OR9Q1: variants seen among roughly 807,000 people sequenced by gnomAD.
OR9Q1 encodes olfactory receptor family 9 subfamily Q member 1.
For missense variants in OR9Q1, 374 were observed against 378.8 expected, an observed-to-expected ratio of 0.99 and a Z score of 0.11; for synonymous variants, 153 against 148.6, an observed-to-expected ratio of 1.03 and a Z score of -0.22.
At chr11:58,138,290 T>C (rs1854208272) in intron 2 of OR9Q1, among the ~76,000 whole-genome samples, 1 of 152,204 alleles carries the variant, frequency 6.6e-6, no homozygotes, top group South Asian at 2.1e-4. Flanking sequence ...AGGAGCGTCG[T>C]ACTTCCTGGG....
intron 2 of OR9Q1, among the ~76,000 whole-genome samples, chr11:58,080,601 T>A (rs1485465903): frequency 6.6e-6 from 1 of 152,146 alleles, no homozygotes; most frequent in African/African-American, 2.4e-5. Context: ...AATTTACATT[T>A]CCACCAACGC....
At position 58,072,191 on chromosome 11, in the gene OR9Q1, C is replaced by T. The variant is rs536575273; in HGVS notation, c.-15+16244C>T. On this transcript the variant is annotated intron_variant, in intron 2 of 2. Transcript: ENST00000335397. ...TTCAAAAGACTTATAATACATACAACAAAAACATCTATAAAACAAAGACAA... is the reference window on the plus strand; with the variant it reads ...TTCAAAAGACTTATAATACATACAATAAAAACATCTATAAAACAAAGACAA... 2.2e-4 allele frequency among the ~76,000 whole-genome samples: 33 copies of T among 152,238 alleles called. No individual in the cohort carries two copies. In the South Asian group the frequency reaches 6.6e-3, roughly 31 times the overall value.
At chr11:58,031,749 C>A in intron 1 of OR9Q1, 1 of 1,614,124 alleles carries the variant, frequency 6.2e-7, no homozygotes, top group East Asian at 2.2e-5. Context: ...TATGTCCAGA[C>A]CAAGGTGACC....
At chr11:58,166,475 C>T (rs1562861) in intron 2 of OR9Q1, among the ~76,000 whole-genome samples, 66,120 of 152,052 alleles carry the variant, frequency 0.43, 14,754 homozygotes, top group African/African-American at 0.5. Context: ...ACGGATGTCA[C>T]TGTAACTTGT....
chr11:58,156,271 A>G (rs1186056109), intron 2 of OR9Q1, among the ~76,000 whole-genome samples: 1 of 152,134 alleles, frequency 6.6e-6, no homozygotes. Context: ...AAAGCCTAGA[A>G]ATTCAACAAA....
intron 2 of OR9Q1, among the ~76,000 whole-genome samples, chr11:58,076,846 A>T (rs1456885979): frequency 6.6e-6 from 1 of 152,182 alleles, no homozygotes; most frequent in Non-Finnish European, 1.5e-5. Context: ...ATTTTAGCTT[A>T]CTAAACTGAC....
chr11:58,043,766 C>T (rs533823734), intron 1 of OR9Q1, among the ~76,000 whole-genome samples: 1 of 152,336 alleles, frequency 6.6e-6, no homozygotes, highest in Non-Finnish European at 1.5e-5. Flanking sequence ...CGTGCTTTCA[C>T]AGCTCGATGC....
At chr11:58,169,311 G>A (rs1854533891) in intron 2 of OR9Q1, among the ~76,000 whole-genome samples, 1 of 152,078 alleles carries the variant, frequency 6.6e-6, no homozygotes, top group African/African-American at 2.4e-5. Flanking sequence ...TGAGCTCTTT[G>A]GATCTGAAGG....
intron 1 of OR9Q1, among the ~76,000 whole-genome samples, chr11:58,038,723 T>G (rs1242084263): frequency 1.3e-5 from 2 of 152,204 alleles, no homozygotes; most frequent in African/African-American, 4.8e-5. Context: ...TGTCAAAAGC[T>G]CTGGTATAAC....
chr11:58,160,438 TTTGTTGTTGTTGTTG>T (rs138422584), intron 2 of OR9Q1, among the ~76,000 whole-genome samples: 73 of 150,202 alleles, frequency 4.9e-4, no homozygotes, highest in African/African-American at 1.2e-3. Flanking sequence ...GAGTAGAATA[TTTGTTGTTGTTGTTG>T]TTGTTGTTGT....
Position 58,142,866 on chromosome 11 carries a change from A to G in OR9Q1, c.-14-36565A>G, listed in dbSNP as rs1019414902. 5.1e-4 allele frequency among the ~76,000 whole-genome samples: 77 copies of G among 152,188 alleles called. 3 individuals carry two copies. The highest frequency in any genetic ancestry group is 1.5e-5 in the Non-Finnish European group (1 of 68,034). ...CTTGATTCATGTATCTCACTGATTG[A>G]TAATGAAGTGGCATTAAAAAAACTA... On this transcript the variant is annotated intron_variant, in intron 2 of 2. Coordinates refer to ENST00000335397, the MANE Select transcript of OR9Q1 (RefSeq NM_001005212.4).
chr11:58,122,971 T>TC (rs1216909633), intron 2 of OR9Q1, among the ~76,000 whole-genome samples: 2 of 152,064 alleles, frequency 1.3e-5, no homozygotes, highest in Non-Finnish European at 2.9e-5. Flanking sequence ...TGTTTTTTTT[T>TC]TCGGATTTTG....
At chr11:58,046,746 C>T (rs1233257348) in intron 1 of OR9Q1, among the ~76,000 whole-genome samples, 2 of 151,948 alleles carry the variant, frequency 1.3e-5, no homozygotes, top group Non-Finnish European at 2.9e-5. Flanking sequence ...GCATGTAATC[C>T]CAGCTACTCT....
intron 2 of OR9Q1, among the ~76,000 whole-genome samples, chr11:58,164,371 G>A (rs1854482314): frequency 6.6e-6 from 1 of 152,060 alleles, no homozygotes; most frequent in South Asian, 2.1e-4. Flanking sequence ...TGGTGGTGGG[G>A]ATGGGGCAGG....
At chr11:58,064,828 G>C (rs1465821003) in intron 2 of OR9Q1, among the ~76,000 whole-genome samples, 3 of 152,084 alleles carry the variant, frequency 2.0e-5, no homozygotes, top group African/African-American at 7.2e-5. Context: ...TCCTTGGGAG[G>C]AGCAAAGGAG....
At position 58,179,683 on chromosome 11, in the gene OR9Q1, A is replaced by C. The variant is rs769010195; in HGVS notation, c.239A>C (p.Gln80Pro). Residue 80 changes from glutamine to proline, a missense_variant, in exon 3 of 3, where the codon CAG (glutamine) becomes CCG (proline). Coordinates refer to ENST00000335397, the MANE Select transcript of OR9Q1 (RefSeq NM_001005212.4). ...TGCTACTCATCTATCACTGTCCCCC[A>C]GATGCTGGCAGTGCTGCTGGAGCAT... The part of the protein sequence containing the change: ...DVCYSSITVP[Q>P]MLAVLLEHGA... The C allele has an allele frequency of 6.2e-7, 1 of 1,614,098 alleles. No individual in the cohort carries two copies.
chr11:58,035,328 A>G (rs1355627366), intron 1 of OR9Q1, among the ~76,000 whole-genome samples: 1 of 152,232 alleles, frequency 6.6e-6, no homozygotes, highest in Non-Finnish European at 1.5e-5. Context: ...TCCCCAGAAT[A>G]AAAGCTGATT....
At chr11:58,080,074 C>T (rs1853574509) in intron 2 of OR9Q1, among the ~76,000 whole-genome samples, 1 of 152,142 alleles carries the variant, frequency 6.6e-6, no homozygotes, top group South Asian at 2.1e-4. Context: ...AGGCTTGTTA[C>T]ATGGGTATAT....
At chr11:58,115,902 A>G (rs1345042063) in intron 2 of OR9Q1, among the ~76,000 whole-genome samples, 1 of 151,444 alleles carries the variant, frequency 6.6e-6, no homozygotes, top group African/African-American at 2.4e-5. Flanking sequence ...CCCTTTCACA[A>G]CTCCCCTTGC....
Sources: allele counts gnomAD v4.1 joint callset (sites outside exome capture counted in the v4.1 genomes callset), GRCh38; gene constraint gnomAD v4.1.1; transcripts MANE v1.5; gene names NCBI Gene and HGNC (gene_info 2026-07-23, HGNC 2026-07-21).